Variants in SRBD1 observed in about 807,000 individuals in gnomAD.
SRBD1 encodes the protein S1 RNA binding domain 1.
SRBD1 carries 88 observed loss-of-function variants against 115.3 expected under a neutral mutation model. The observed-to-expected ratio is 0.76, with a 90% CI of 0.64 to 0.91. SRBD1 has a LOEUF of 0.91. Among genes scored for constraint, SRBD1 ranks in the 40% least tolerant of loss-of-function variants. SRBD1 has a pLI of 0.00. For synonymous variants in SRBD1, 509 were observed against 407.7 expected (o/e 1.25, Z -2.99); for missense variants, 1,385 against 1,177.4 (o/e 1.18, Z -2.58).
intron 16 of SRBD1, among the ~76,000 whole-genome samples, chr2:45,456,579 G>C (rs1669160047): frequency 6.6e-6 from 1 of 151,882 alleles, no homozygotes; most frequent in Non-Finnish European, 1.5e-5. Context: ...ATTTTGTAAA[G>C]TTTGAGTATA....
chr2:45,546,270 A>G (rs1672116468), intron 14 of SRBD1: 2 of 985,326 alleles, frequency 2.0e-6, no homozygotes, highest in African/African-American at 3.5e-5. Flanking sequence ...ACCAAGGGAT[A>G]AATGAGGAAA....
At chr2:45,467,903 T>C (rs898699248) in intron 16 of SRBD1, among the ~76,000 whole-genome samples, 8 of 152,290 alleles carry the variant, frequency 5.3e-5, no homozygotes, top group African/African-American at 1.7e-4. Flanking sequence ...AGTTAAAGCA[T>C]CTGTAGCATT....
chr2:45,557,074 T>C (rs577885636), intron 10 of SRBD1, among the ~76,000 whole-genome samples: 7 of 152,030 alleles, frequency 4.6e-5, no homozygotes, highest in Non-Finnish European at 1.0e-4. Context: ...TTATAGCATA[T>C]GTAAAAGCTT....
intron 16 of SRBD1, among the ~76,000 whole-genome samples, chr2:45,436,845 T>C (rs1281166966): frequency 1.3e-5 from 2 of 152,164 alleles, no homozygotes; most frequent in Non-Finnish European, 2.9e-5. Context: ...TGTTCACAGA[T>C]AATATGATCG....
intron 16 of SRBD1, among the ~76,000 whole-genome samples, chr2:45,473,476 G>C (rs1420721188): frequency 6.6e-6 from 1 of 152,066 alleles, no homozygotes; most frequent in Admixed American, 6.6e-5. Context: ...CTGCTTTTTG[G>C]AAGGGAGTAC....
chr2:45,589,870 C>G (rs979266633), intron 4 of SRBD1, among the ~76,000 whole-genome samples: 1 of 152,142 alleles, frequency 6.6e-6, no homozygotes, highest in Non-Finnish European at 1.5e-5. Context: ...TCTCAAGGAG[C>G]TAACAAGCTA....
chr2:45,431,542 A>G (rs1054799653), intron 16 of SRBD1, among the ~76,000 whole-genome samples: 10 of 152,042 alleles, frequency 6.6e-5, no homozygotes, highest in Non-Finnish European at 1.2e-4. Context: ...ACCAAACACC[A>G]CATGTTCTCA....
intron 16 of SRBD1, among the ~76,000 whole-genome samples, chr2:45,455,391 G>T (rs1464699753): frequency 6.6e-6 from 1 of 151,858 alleles, no homozygotes; most frequent in East Asian, 1.9e-4. Context: ...TAGGAATAGA[G>T]TTTTTAGAAT....
At chr2:45,396,168 A>G (rs991972871) in intron 19 of SRBD1, among the ~76,000 whole-genome samples, 43 of 152,284 alleles carry the variant, frequency 2.8e-4, no homozygotes, top group African/African-American at 8.9e-4. Context: ...TAACTTGTCC[A>G]AGGCCATGAT....
chr2:45,436,885 A>T, intron 16 of SRBD1, among the ~76,000 whole-genome samples: 1 of 152,330 alleles, frequency 6.6e-6, no homozygotes, highest in South Asian at 2.1e-4. Context: ...AGAATTGATT[A>T]AAAAACTCCT....
At chr2:45,598,964 A>T (rs1338863735) in intron 4 of SRBD1, among the ~76,000 whole-genome samples, 2 of 152,212 alleles carry the variant, frequency 1.3e-5, no homozygotes, top group African/African-American at 2.4e-5. Flanking sequence ...CCCTGTAGTA[A>T]GACATATAAT....
chr2:45,405,691 G>T (rs141829371), intron 19 of SRBD1, among the ~76,000 whole-genome samples: 4 of 152,066 alleles, frequency 2.6e-5, no homozygotes, highest in Admixed American at 2.6e-4. Context: ...AGAAACCAGA[G>T]ACAACATAAA....
intron 16 of SRBD1, among the ~76,000 whole-genome samples, chr2:45,473,629 T>G (rs1669717092): frequency 6.6e-6 from 1 of 152,244 alleles, no homozygotes; most frequent in South Asian, 2.1e-4. Context: ...CCACAACTAC[T>G]GCATTCTATC....
intron 19 of SRBD1, among the ~76,000 whole-genome samples, chr2:45,399,778 TTAAG>T (rs1056083952): frequency 1.3e-5 from 2 of 152,038 alleles, no homozygotes; most frequent in Admixed American, 1.3e-4. Flanking sequence ...TTGGACAAAA[TTAAG>T]TTAGTGGTTT....
At chr2:45,589,027 C>G (rs772069396) in intron 4 of SRBD1, among the ~76,000 whole-genome samples, 7 of 152,210 alleles carry the variant, frequency 4.6e-5, no homozygotes, top group Admixed American at 1.3e-4. Flanking sequence ...TATAAAATGT[C>G]TGTTCCCTCC....
intron 14 of SRBD1, among the ~76,000 whole-genome samples, chr2:45,499,686 G>A (rs904451984): frequency 2.6e-5 from 4 of 152,012 alleles, no homozygotes; most frequent in African/African-American, 4.8e-5. Flanking sequence ...GGTAAAAAAC[G>A]GGGATCTAGT....
At chr2:45,407,059 G>A (rs1667457973) in intron 19 of SRBD1, among the ~76,000 whole-genome samples, 1 of 152,104 alleles carries the variant, frequency 6.6e-6, no homozygotes, top group Non-Finnish European at 1.5e-5. Flanking sequence ...TTTAAAGTGA[G>A]ATAGATCTAG....
At chr2:45,540,941 T>C (rs1458812222) in intron 14 of SRBD1, among the ~76,000 whole-genome samples, 2 of 152,242 alleles carry the variant, frequency 1.3e-5, no homozygotes, top group African/African-American at 2.4e-5. Flanking sequence ...AGGGTGTCAC[T>C]TTTCCAGCCA....
intron 16 of SRBD1, among the ~76,000 whole-genome samples, chr2:45,428,141 AC>A (rs1668214632): frequency 6.6e-6 from 1 of 152,220 alleles, no homozygotes; most frequent in Admixed American, 6.5e-5. Flanking sequence ...AGAAATCATA[AC>A]AAACAGTCTC....
Sources: gnomAD v4.1 joint callset for allele counts (sites outside exome capture counted in the v4.1 genomes callset) on GRCh38, gnomAD v4.1.1 for gene constraint, MANE v1.5 for transcripts, NCBI Gene and HGNC (gene_info 2026-07-23, HGNC 2026-07-21) for gene names.